Variants in MID1 observed in about 807,000 individuals in gnomAD.
The protein encoded by MID1 is E3 ubiquitin-protein ligase Midline-1.
Under a neutral mutation model 40.4 loss-of-function variants are expected in MID1, and 7 were observed. The observed-to-expected ratio is 0.17, with a 90% CI of 0.10 to 0.33. The LOEUF is 0.33. MID1 is among the 10% of genes least tolerant of loss of function. The probability of loss-of-function intolerance (pLI) is 1.00; values close to 1 mark genes in which losing one functional copy is unlikely to be tolerated. For missense variants in MID1, 367 were observed against 558.5 expected, an observed-to-expected ratio of 0.66 and a Z score of 3.46; for synonymous variants, 229 against 221.2, an observed-to-expected ratio of 1.04 and a Z score of -0.31.
At chrX:10,496,488 T>A (rs911966233) in intron 3 of MID1, among the ~76,000 whole-genome samples, 5 of 112,452 alleles carry the variant, frequency 4.4e-5, no homozygotes, top group African/African-American at 1.3e-4. Flanking sequence ...TCTGAAATGC[T>A]TATTCACAAA....
intron 2 of MID1, among the ~76,000 whole-genome samples, chrX:10,545,918 T>G (rs762949712): frequency 9.8e-5 from 11 of 112,320 alleles, no homozygotes; most frequent in Non-Finnish European, 2.1e-4. Context: ...GCAGCAGTGT[T>G]GGCTGCTGCA....
chrX:10,565,460 G>A (rs1569106990), intron 2 of MID1: 1 of 329,599 alleles, frequency 3.0e-6, no homozygotes, highest in Non-Finnish European at 5.9e-6. Context: ...CCACCCATTA[G>A]CGCTAAGGAG....
intron 4 of MID1, among the ~76,000 whole-genome samples, chrX:10,494,181 T>C (rs955450638): frequency 5.6e-4 from 63 of 112,295 alleles, no homozygotes; most frequent in Admixed American, 1.6e-3. Flanking sequence ...AACTATTTGA[T>C]TTCACTATTT....
At position 10,640,590 on chromosome X, in the gene MID1, A is replaced by G. The variant is rs1249694582; in HGVS notation, c.-186-20171T>C. Among the ~76,000 whole-genome samples, 3 of 111,468 alleles carry G rather than the reference A, an allele frequency of 2.7e-5. No individual in the cohort carries two copies. The Admixed American group carries it at 2.9e-4, about 11-fold the overall frequency. On this transcript the variant is annotated intron_variant, in intron 1 of 10. Transcript: ENST00000380785. ...GGGAGACGTTAACACCCCACTGTCA[A>G]CATTAGACAAATCAACAAGACAGAA...
intron 3 of MID1, among the ~76,000 whole-genome samples, chrX:10,496,916 T>C (rs1454775343): frequency 8.9e-6 from 1 of 112,363 alleles, no homozygotes; most frequent in Non-Finnish European, 1.9e-5. Context: ...ATGTCCTACA[T>C]CAGTTTAGCA....
At chrX:10,832,658 T>C (rs1283631391) in intron 1 of MID1, among the ~76,000 whole-genome samples, 2 of 112,284 alleles carry the variant, frequency 1.8e-5, no homozygotes, top group African/African-American at 6.5e-5. Context: ...TTTACCTGAT[T>C]CCAAATCACT....
intron 1 of MID1, among the ~76,000 whole-genome samples, chrX:10,606,988 C>T (rs1935636735): frequency 8.9e-6 from 1 of 112,097 alleles, no homozygotes; most frequent in Non-Finnish European, 1.9e-5. Context: ...CCACCTTGGC[C>T]TCCCAAAGTG....
At chrX:10,554,775 A>C (rs1007479290) in intron 2 of MID1, among the ~76,000 whole-genome samples, 12 of 111,104 alleles carry the variant, frequency 1.1e-4, no homozygotes, top group Middle Eastern at 4.6e-3. Context: ...AGACTCACTC[A>C]CACAGGCCAT....
At chrX:10,551,906 C>T (rs1187259317) in intron 2 of MID1, among the ~76,000 whole-genome samples, 2 of 111,833 alleles carry the variant, frequency 1.8e-5, no homozygotes, top group Non-Finnish European at 3.8e-5. Flanking sequence ...CTTCAGCTTC[C>T]AGAGTAACTG....
At chrX:10,581,631 C>A (rs1935022262) in intron 1 of MID1, among the ~76,000 whole-genome samples, 1 of 111,989 alleles carries the variant, frequency 8.9e-6, no homozygotes, top group African/African-American at 3.2e-5. Flanking sequence ...TACTGGAAAC[C>A]TCTTCATACC....
At chrX:10,454,796 A>G (rs1928552730) in intron 9 of MID1, 74 bp downstream of exon 9, 2 of 885,263 alleles carry the variant, frequency 2.3e-6, no homozygotes, top group Non-Finnish European at 3.3e-6. Flanking sequence ...GCATTACAGT[A>G]TGGGTTGACT....
In MID1 at chrX:10,492,097, T is replaced by G. The variant is rs149825274; in HGVS notation, c.864+3487A>C. ...TTTCCTATCTATTTTTTTATTTCAT[T>G]TCCTTCTTTTGTGGCTTCACTTTTT... On this transcript the variant is annotated intron_variant, in intron 4 of 9. Transcript: ENST00000317552. 6.4e-3 allele frequency among the ~76,000 whole-genome samples: 713 copies of G among 111,817 alleles called. 7 individuals carry two copies. The highest frequency in any genetic ancestry group is 0.022 in the African/African-American group (666 of 30,802).
Position 10,516,188 on chromosome X carries a change from C to CTTTTT in MID1, c.756+6899_756+6903dup, listed in dbSNP as rs1191096522. On this transcript the variant is annotated intron_variant, in intron 3 of 9. Coordinates refer to ENST00000317552, the MANE Select transcript of MID1 (RefSeq NM_000381.4). ...TCTTAGGAGTCTACCTGAAGTTGCT[C>CTTTTT]TTTTTTTTTTTTTTTTTTTTTTTTG... 1.8e-3 allele frequency among the ~76,000 whole-genome samples: 130 copies of CTTTTT among 71,464 alleles called. 1 individual carries two copies. The highest frequency in any genetic ancestry group is 6.7e-3 in the African/African-American group (109 of 16,337). 62.1% of individuals were successfully genotyped at this position (71,464 alleles called of 115,157 possible). A position where few individuals can be genotyped will look rare whatever the true frequency, so the allele number is the denominator to read the frequency against.
intron 1 of MID1, among the ~76,000 whole-genome samples, chrX:10,807,183 T>C (rs1230779766): frequency 5.4e-5 from 6 of 110,318 alleles, no homozygotes; most frequent in Non-Finnish European, 1.1e-4. Context: ...AGGCGGAGGT[T>C]GCAGTGAGTG....
chrX:10,703,893 C>T (rs1034006133), intron 1 of MID1, among the ~76,000 whole-genome samples: 1 of 111,876 alleles, frequency 8.9e-6, no homozygotes, highest in Non-Finnish European at 1.9e-5. Flanking sequence ...CCTTTTTCTT[C>T]GAAAATCAAC....
intron 6 of MID1, among the ~76,000 whole-genome samples, chrX:10,471,812 T>C (rs1415944436): frequency 8.9e-6 from 1 of 112,378 alleles, no homozygotes; most frequent in Non-Finnish European, 1.9e-5. Context: ...TGTATTGCAA[T>C]ATACAATTAA....
intron 9 of MID1, among the ~76,000 whole-genome samples, chrX:10,452,461 G>A (rs374105151): frequency 2.0e-4 from 22 of 112,108 alleles, no homozygotes; most frequent in Non-Finnish European, 1.1e-4. Flanking sequence ...ATTAAGTTAC[G>A]CAGTGAGACA....
chrX:10,533,763 G>A (rs1480963799), intron 2 of MID1, among the ~76,000 whole-genome samples: 1 of 111,618 alleles, frequency 9.0e-6, no homozygotes, highest in Non-Finnish European at 1.9e-5. Flanking sequence ...TGTTTTATTT[G>A]TGTCTTTTGT....
At chrX:10,498,124 G>GTCTTGC (rs1931354589) in intron 3 of MID1, among the ~76,000 whole-genome samples, 1 of 111,360 alleles carries the variant, frequency 9.0e-6, no homozygotes, top group African/African-American at 3.3e-5. Flanking sequence ...TTGAGACAGG[G>GTCTTGC]TCTTGCTCTT....
Sources: allele counts gnomAD v4.1 joint callset (sites outside exome capture counted in the v4.1 genomes callset), GRCh38; gene constraint gnomAD v4.1.1; transcripts MANE v1.5; gene names NCBI Gene and HGNC (gene_info 2026-07-23, HGNC 2026-07-21).